The following ERC2 variants were observed in gnomAD, a reference collection of about 807,000 sequenced individuals.
ERC2 encodes the protein ELKS/RAB6-interacting/CAST family member 2.
ERC2 carries 42 observed loss-of-function variants against 114.8 expected under a neutral mutation model. That is an observed-to-expected ratio of 0.37 (90% CI 0.29 to 0.47). The LOEUF is 0.47. Ranked by LOEUF, ERC2 falls within the 20% of genes least tolerant of loss-of-function variation. ERC2 has a pLI of 0.99. For missense variants in ERC2, 939 were observed against 1,150.7 expected, an observed-to-expected ratio of 0.82 and a Z score of 2.66; for synonymous variants, 454 against 425.5, an observed-to-expected ratio of 1.07 and a Z score of -0.82.
intron 14 of ERC2, among the ~76,000 whole-genome samples, chr3:55,753,917 AT>A (rs2066884732): frequency 1.3e-5 from 2 of 152,180 alleles, no homozygotes; most frequent in Non-Finnish European, 1.5e-5. Context: ...CATTGGTGTG[AT>A]TTTGGGAAAG....
At chr3:55,621,942 G>A (rs2059346127) in intron 17 of ERC2, among the ~76,000 whole-genome samples, 1 of 152,174 alleles carries the variant, frequency 6.6e-6, no homozygotes, top group Non-Finnish European at 1.5e-5. Context: ...GCACACTCCT[G>A]TGGGACTTTG....
At chr3:56,032,889 G>GAAAGAAAGAAAGAAAGAAAGAA (rs1560055876) in intron 7 of ERC2, among the ~76,000 whole-genome samples, 7 of 88,608 alleles carry the variant, frequency 7.9e-5, no homozygotes, top group East Asian at 2.9e-4. Context: ...GAAAGAAAGA[G>GAAAGAAAGAAAGAAAGAAAGAA]AGAGAGAGAG....
At chr3:55,817,012 C>A (rs1433811610) in intron 14 of ERC2, among the ~76,000 whole-genome samples, 5 of 152,198 alleles carry the variant, frequency 3.3e-5, no homozygotes, top group Admixed American at 1.3e-4. Context: ...TAGTCTCAGG[C>A]TCCACTGAGC....
intron 12 of ERC2, among the ~76,000 whole-genome samples, chr3:55,952,167 ACACACACACACACTCTCTCTCTCTCTCT>A (rs2067587232): frequency 1.5e-5 from 1 of 68,436 alleles, no homozygotes; most frequent in African/African-American, 4.9e-5. Flanking sequence ...ACACACACAC[ACACACACACACACTCTCTCTCTCTCTCT>A]CTCTATATAT....
At chr3:56,424,179 A>G (rs1228235794) in intron 2 of ERC2, among the ~76,000 whole-genome samples, 1 of 152,144 alleles carries the variant, frequency 6.6e-6, no homozygotes, top group Non-Finnish European at 1.5e-5. Flanking sequence ...TTTGGGAGTG[A>G]CCACTCCTCC....
At chr3:55,764,941 C>T (rs1226463646) in intron 14 of ERC2, among the ~76,000 whole-genome samples, 1 of 152,106 alleles carries the variant, frequency 6.6e-6, no homozygotes, top group Admixed American at 6.5e-5. Flanking sequence ...TTTGGCAATA[C>T]ATAGGGTGAG....
At chr3:56,063,454 G>A (rs141577669) in intron 7 of ERC2, among the ~76,000 whole-genome samples, 42 of 152,136 alleles carry the variant, frequency 2.8e-4, no homozygotes, top group Admixed American at 1.5e-3. Flanking sequence ...ATTTAAGTTC[G>A]GATTTTTTGT....
intron 1 of ERC2, among the ~76,000 whole-genome samples, chr3:56,463,058 C>T (rs2063387931): frequency 6.6e-6 from 1 of 152,100 alleles, no homozygotes; most frequent in South Asian, 2.1e-4. Flanking sequence ...GAAATCTCAT[C>T]TTTACAAAAG....
chr3:56,338,383 G>A (rs1364450110), intron 2 of ERC2, among the ~76,000 whole-genome samples: 3 of 152,214 alleles, frequency 2.0e-5, no homozygotes, highest in African/African-American at 7.2e-5. Context: ...TCAGAGAACT[G>A]TGGTCTATGC....
In ERC2 at chr3:56,065,878, T is replaced by C. The variant is rs543988564; in HGVS notation, c.1641+14939A>G. Among the ~76,000 whole-genome samples the C allele has an allele frequency of 1.8e-4, 27 of 152,346 alleles. No individual in the cohort carries two copies. In the East Asian group the frequency reaches 4.4e-3, roughly 25 times the overall value. ...CCATGTCCCTGCAAAGGACATGATT[T>C]CATTCCTTTTTATGGCTGCATAGTA... On this transcript the variant is annotated intron_variant, in intron 7 of 17. Transcript: ENST00000288221.
intron 14 of ERC2, among the ~76,000 whole-genome samples, chr3:55,845,187 CT>C (rs996999703): frequency 6.6e-6 from 1 of 152,108 alleles, no homozygotes; most frequent in Non-Finnish European, 1.5e-5. Context: ...CAGCCCAGGG[CT>C]TGGGGACTCC....
At chr3:56,393,418 T>A (rs955892306) in intron 2 of ERC2, among the ~76,000 whole-genome samples, 2 of 152,084 alleles carry the variant, frequency 1.3e-5, no homozygotes, top group African/African-American at 4.8e-5. Flanking sequence ...TAAAATGAAA[T>A]GTCATTACCT....
chr3:56,311,697 C>T (rs1187606353), intron 2 of ERC2, among the ~76,000 whole-genome samples: 1 of 152,030 alleles, frequency 6.6e-6, no homozygotes, highest in African/African-American at 2.4e-5. Context: ...CCCTACTGAT[C>T]TATCGAACCC....
intron 3 of ERC2, among the ~76,000 whole-genome samples, chr3:56,187,461 G>C (rs918403287): frequency 6.6e-6 from 1 of 152,136 alleles, no homozygotes; most frequent in Non-Finnish European, 1.5e-5. Flanking sequence ...TTTTGTTTTA[G>C]GTAAGTGGCT....
intron 14 of ERC2, among the ~76,000 whole-genome samples, chr3:55,755,127 C>T (rs1487124628): frequency 6.6e-6 from 1 of 151,422 alleles, no homozygotes; most frequent in African/African-American, 2.4e-5. Context: ...GATCCATCTG[C>T]ACTTCATTTA....
At chr3:55,877,220 A>G (rs2062891924) in intron 14 of ERC2, among the ~76,000 whole-genome samples, 1 of 152,188 alleles carries the variant, frequency 6.6e-6, no homozygotes, top group South Asian at 2.1e-4. Flanking sequence ...ACTGGATGGC[A>G]GTGGCACCTC....
At chr3:55,955,812 C>A (rs1043196523) in intron 12 of ERC2, among the ~76,000 whole-genome samples, 14 of 152,328 alleles carry the variant, frequency 9.2e-5, no homozygotes, top group African/African-American at 3.4e-4. Flanking sequence ...AAGACTATTT[C>A]TCAGCCATAT....
intron 3 of ERC2, among the ~76,000 whole-genome samples, chr3:56,186,568 G>C (rs1322322581): frequency 6.6e-6 from 1 of 152,134 alleles, no homozygotes; most frequent in Non-Finnish European, 1.5e-5. Context: ...TTTCGCTCTT[G>C]TTGCCCAGGC....
chr3:55,771,796 TGAG>T (rs932947461), intron 14 of ERC2, among the ~76,000 whole-genome samples: 1 of 152,202 alleles, frequency 6.6e-6, no homozygotes, highest in Non-Finnish European at 1.5e-5. Flanking sequence ...ACAGCAGGCC[TGAG>T]GAGGCAGGCT....
Sources: allele counts gnomAD v4.1 joint callset (sites outside exome capture counted in the v4.1 genomes callset), GRCh38; gene constraint gnomAD v4.1.1; transcripts MANE v1.5; gene names NCBI Gene and HGNC (gene_info 2026-07-23, HGNC 2026-07-21).